Variants in EPG5 observed in about 807,000 individuals in gnomAD.
The protein encoded by EPG5 is ectopic P-granules 5 autophagy tethering factor, also known as ectopic P granules protein 5 homolog.
EPG5 carries 159 observed loss-of-function variants against 302.7 expected under a neutral mutation model. That is an observed-to-expected ratio of 0.53 (90% CI 0.46 to 0.60). The LOEUF (loss-of-function observed/expected upper bound fraction) is 0.60. EPG5 is among the 20% of genes least tolerant of loss of function. The pLI is 0.00. For synonymous variants in EPG5, 1,158 were observed against 1,136.8 expected (o/e 1.02, Z -0.37); for missense variants, 2,896 against 3,092.4 (o/e 0.94, Z 1.51).
At chr18:45,928,787 C>T (rs2050332038) in intron 13 of EPG5, 82 bp downstream of exon 13, 1 of 1,373,824 alleles carries the variant, frequency 7.3e-7, no homozygotes, top group East Asian at 2.3e-5. Context: ...CAAGATCATT[C>T]CCAAGAACCT....
In EPG5 at chr18:45,901,128, G is replaced by A. The variant is rs757513321; in HGVS notation, c.4514C>T (p.Ala1505Val). Residue 1505 changes from alanine to valine, a missense_variant, in exon 26 of 44, where the codon GCT (alanine) becomes GTT (valine). By Grantham distance (64) the Ala-to-Val change is moderately conservative. Transcript: ENST00000282041. ...RVLSNLRKHE[A>V]PQPPLALHPT... ...GTGCAGAGCAAGGGGAGGCTGGGGA[G>A]CCTCATGCTTCCGCAAGTTACTTAA... is the stretch of plus-strand genomic sequence containing the variant. 1.5e-5 allele frequency: 25 copies of A among 1,614,048 alleles called. No homozygotes were observed. Among genetic ancestry groups the A allele is most frequent in the African/African-American group, 2.7e-5 (2 of 74,934 alleles).
chr18:45,814,587 ATT>A, the EPG5 span, among the ~76,000 whole-genome samples: 1 of 152,248 alleles, frequency 6.6e-6, no homozygotes, highest in African/African-American at 2.4e-5. Flanking sequence ...AACCTGAAAT[ATT>A]TAGGGATAAA....
At chr18:45,801,598 T>G in the EPG5 span, among the ~76,000 whole-genome samples, 1 of 152,156 alleles carries the variant, frequency 6.6e-6, no homozygotes, top group Non-Finnish European at 1.5e-5. Flanking sequence ...TTGTGACAAT[T>G]GCACAACACA....
chr18:45,901,809 C>T (rs1288528974), intron 25 of EPG5, among the ~76,000 whole-genome samples: 1 of 151,544 alleles, frequency 6.6e-6, no homozygotes, highest in South Asian at 2.1e-4. Context: ...AGGTGAATCT[C>T]TACCATGCAA....
At chr18:45,890,638 T>C (rs2049323433) in intron 27 of EPG5, among the ~76,000 whole-genome samples, 1 of 152,202 alleles carries the variant, frequency 6.6e-6, no homozygotes, top group Non-Finnish European at 1.5e-5. Context: ...GATTAGCCTT[T>C]CTTATTTGAG....
intron 35 of EPG5, among the ~76,000 whole-genome samples, chr18:45,871,063 T>C (rs1355568146): frequency 6.6e-6 from 1 of 152,188 alleles, no homozygotes; most frequent in Non-Finnish European, 1.5e-5. Flanking sequence ...GTATTCAGTT[T>C]TACACATTTA....
At chr18:45,845,716 T>C (rs1156556295), downstream of EPG5, among the ~76,000 whole-genome samples, 5 of 152,188 alleles carry the variant, frequency 3.3e-5, no homozygotes, top group Non-Finnish European at 5.9e-5. Flanking sequence ...CAGCGTTCCA[T>C]GAACATGCTC....
rs908523439 is a variant in EPG5, at chr18:45,915,613, C to A, written c.3591G>T (p.Leu1197Phe). 1 of 1,613,718 alleles carries A rather than the reference C, an allele frequency of 6.2e-7. No homozygotes were observed. Among genetic ancestry groups the A allele is most frequent in the Non-Finnish European group, 8.5e-7 (1 of 1,179,672 alleles). Reference sequence around the variant, plus strand: ...GCAGACTCCGGTCACAGTGGTAACCCAAGGCATTCTACACCGGGAGATGTG... The same window carrying A: ...GCAGACTCCGGTCACAGTGGTAACCAAAGGCATTCTACACCGGGAGATGTG... ...KLLYQQHKNA[L>F]GYHCDRSLLS... is the part of the protein sequence containing the mutation. Residue 1197 changes from leucine to phenylalanine, a missense_variant, in exon 20 of 44, where the codon TTG becomes TTT. By Grantham distance (22) the Leu-to-Phe change is conservative. Coordinates refer to ENST00000282041, the MANE Select transcript of EPG5 (RefSeq NM_020964.3).
At chr18:45,863,205 A>AC (rs1332654553) in intron 39 of EPG5, among the ~76,000 whole-genome samples, 1 of 152,222 alleles carries the variant, frequency 6.6e-6, no homozygotes, top group Non-Finnish European at 1.5e-5. Context: ...TTTCTTATCA[A>AC]CAGCTTAAAG....
At chr18:45,828,974 C>G in the EPG5 span, 6 of 440,828 alleles carry the variant, frequency 1.4e-5, no homozygotes, top group East Asian at 9.4e-4. Flanking sequence ...CTCCCAGTGG[C>G]TGTTGTGAGC....
intron 27 of EPG5, among the ~76,000 whole-genome samples, chr18:45,898,459 C>T (rs1294267739): frequency 3.9e-5 from 6 of 152,194 alleles, no homozygotes; most frequent in Non-Finnish European, 5.9e-5. Flanking sequence ...CTAGCTTCAG[C>T]GAAGCTTCCA....
chr18:45,894,641 G>A (rs1477010002), intron 27 of EPG5, among the ~76,000 whole-genome samples: 1 of 152,152 alleles, frequency 6.6e-6, no homozygotes, highest in Non-Finnish European at 1.5e-5. Flanking sequence ...GGTTTGGCCT[G>A]AACTAAATAC....
intron 35 of EPG5, among the ~76,000 whole-genome samples, chr18:45,872,631 G>C (rs368005936): frequency 6.6e-6 from 1 of 152,070 alleles, no homozygotes; most frequent in Non-Finnish European, 1.5e-5. Flanking sequence ...TTGAACCAGG[G>C]AGGCAGAGGT....
At chr18:45,838,752 C>G in the EPG5 span, 1 of 1,582,832 alleles carries the variant, frequency 6.3e-7, no homozygotes, top group Non-Finnish European at 8.5e-7. Context: ...CGGTGCTGCC[C>G]AGTCCGGCTC....
chr18:45,845,597 G>C (rs558133124), downstream of EPG5, among the ~76,000 whole-genome samples: 1 of 152,216 alleles, frequency 6.6e-6, no homozygotes, highest in Admixed American at 6.5e-5. Flanking sequence ...CCAGAGACAC[G>C]AGCGGCAGGC....
In EPG5 at chr18:45,916,041, A is replaced by G. The variant is rs2145712474; in HGVS notation, c.3550T>C (p.Cys1184Arg). 6.2e-7 allele frequency: 1 copy of G among 1,613,568 alleles called. No homozygotes were observed. The highest frequency in any genetic ancestry group is 2.2e-5 in the East Asian group (1 of 44,882). ...TGTTGGTAGAGTAATTTCTGTATGC[A>G]GTCTTCCTGCATCAGCTGAAAAGCT... Reference protein sequence around the residue: ...KAAFQLMQEDCIQKLLYQQHK... With the variant: ...KAAFQLMQEDRIQKLLYQQHK... Residue 1184 changes from cysteine (C) to arginine (R), a missense_variant, in exon 19 of 44, where the codon TGC (cysteine) becomes CGC (arginine). This residue lies in a region of EPG5 where 1,390 missense variants were observed against 1,430.0 expected (regional missense o/e 0.97). Coordinates refer to ENST00000282041, the MANE Select transcript of EPG5 (RefSeq NM_020964.3).
rs967046930 is a variant in EPG5, at chr18:45,850,873, T to C, written c.*1594A>G. 6.6e-6 allele frequency: 1 copy of C among 152,632 alleles called. No homozygotes were observed. Among genetic ancestry groups the C allele is most frequent in the Non-Finnish European group, 1.5e-5 (1 of 68,042 alleles). 9.5% of individuals were successfully genotyped at this position (152,632 alleles called of 1,614,324 possible). ...TTGTCCACAGCTTCTCAAATTTTCT[T>C]ATACAGAGAACAAGATGATTAATTT... On this transcript the variant is annotated 3_prime_UTR_variant, in exon 44 of 44. Transcript: ENST00000282041.
intron 43 of EPG5, among the ~76,000 whole-genome samples, chr18:45,855,035 C>T (rs1369975787): frequency 6.6e-6 from 1 of 151,822 alleles, no homozygotes; most frequent in Non-Finnish European, 1.5e-5. Context: ...GCCAGCATGT[C>T]CATAGGTTAT....
intron 22 of EPG5, among the ~76,000 whole-genome samples, chr18:45,911,052 A>AATCTATCT (rs537576512): frequency 7.5e-5 from 11 of 146,066 alleles, no homozygotes; most frequent in East Asian, 2.0e-4. Flanking sequence ...AGCGACTAAG[A>AATCTATCT]ATCTATCTAT....
Sources: allele counts gnomAD v4.1 joint callset (sites outside exome capture counted in the v4.1 genomes callset), GRCh38; gene constraint gnomAD v4.1.1; regional missense constraint gnomAD v4.1.1; transcripts MANE v1.5; gene names NCBI Gene and HGNC (gene_info 2026-07-23, HGNC 2026-07-21).